Variants in ETFDH observed in about 807,000 individuals in gnomAD.
ETFDH encodes the protein electron transfer flavoprotein dehydrogenase, also known as electron transfer flavoprotein-ubiquinone oxidoreductase, mitochondrial.
Under a neutral mutation model 73.2 loss-of-function variants are expected in ETFDH, and 61 were observed. The ratio of observed to expected loss-of-function variants is 0.83; its 90% CI spans 0.68 to 1.03. The LOEUF (loss-of-function observed/expected upper bound fraction) is 1.03, where lower values mean the gene tolerates loss of function less well. ETFDH is among the 50% of genes least tolerant of loss of function. ETFDH has a pLI of 0.00. For synonymous variants in ETFDH, 243 were observed against 253.3 expected, an observed-to-expected ratio of 0.96 and a Z score of 0.39; for missense variants, 685 against 745.0, an observed-to-expected ratio of 0.92 and a Z score of 0.94.
At chr4:158,686,156 G>A (rs1279765395) in intron 5 of ETFDH, among the ~76,000 whole-genome samples, 2 of 152,128 alleles carry the variant, frequency 1.3e-5, no homozygotes, top group Non-Finnish European at 2.9e-5. Context: ...GGAGGGGAAG[G>A]TCAGAGAGAC....
At chr4:158,705,517 T>C (rs1774585962) in intron 10 of ETFDH, among the ~76,000 whole-genome samples, 2 of 152,236 alleles carry the variant, frequency 1.3e-5, no homozygotes, top group Non-Finnish European at 2.9e-5. Flanking sequence ...TGGGGGGACA[T>C]ATTTCAACCC....
At position 158,690,377 on chromosome 4, in the gene ETFDH, A is replaced by T. The variant is rs758859840; in HGVS notation, c.636A>T (p.Lys212Asn). Reference sequence around the variant, plus strand: ...TTTTTCATGATGATGGTAGTGTAAAAGGAATTGCCACTAACGATGTAGGGA... The same window carrying T: ...TTTTTCATGATGATGGTAGTGTAAATGGAATTGCCACTAACGATGTAGGGA... ...EVLFHDDGSV[K>N]GIATNDVGIQ... The change falls in exon 6 of 13, where the codon AAA becomes AAT. Residue 212 changes from lysine to asparagine, a missense_variant. Physicochemically the swap from Lys to Asn is moderately conservative, Grantham distance 94 (BLOSUM62 0). Around this residue, in one of 3 missense-constraint regions of ETFDH, gnomAD observed 405 missense variants for 399.3 expected, o/e 1.01. Coordinates refer to ENST00000511912, the MANE Select transcript of ETFDH (RefSeq NM_004453.4). 35 of 1,602,808 alleles carry T rather than the reference A, an allele frequency of 2.2e-5. No individual in the cohort carries two copies. In the Admixed American group the frequency reaches 5.8e-4, roughly 27 times the overall value.
At chr4:158,676,058 G>A (rs1316310104) in intron 1 of ETFDH, among the ~76,000 whole-genome samples, 2 of 152,106 alleles carry the variant, frequency 1.3e-5, no homozygotes, top group East Asian at 1.9e-4. Flanking sequence ...ATCAAAACAG[G>A]AGAATTAGAA....
At chr4:158,705,106 A>T (rs1774572227) in intron 10 of ETFDH, among the ~76,000 whole-genome samples, 1 of 152,166 alleles carries the variant, frequency 6.6e-6, no homozygotes, top group South Asian at 2.1e-4. Flanking sequence ...TGACTGGAAA[A>T]AGTAGTCATG....
At chr4:158,690,879 AAAAT>A (rs577737808) in intron 6 of ETFDH, among the ~76,000 whole-genome samples, 25 of 151,962 alleles carry the variant, frequency 1.6e-4, no homozygotes, top group African/African-American at 2.2e-4. Flanking sequence ...ACCTGGTCTC[AAAAT>A]AAATAAATAA....
chr4:158,679,757 G>A (rs923417859), intron 1 of ETFDH: 6 of 152,012 alleles, frequency 3.9e-5, no homozygotes, highest in African/African-American at 9.7e-5. Flanking sequence ...ACTCAAAAAT[G>A]TATACATTTT....
Position 158,685,228 on chromosome 4 carries a change from AGTTTT to A in ETFDH, c.606+20_606+24del, listed in dbSNP as rs745580994. ...GTTATGCAGCTGCTGAGGTTTGTAT[AGTTTT>A]GTTTTGTTTTAATATTTATAGGAAC... On this transcript the variant is annotated intron_variant, in intron 5 of 12. Coordinates refer to ENST00000511912, the MANE Select transcript of ETFDH (RefSeq NM_004453.4). 6.7e-6 allele frequency: 10 copies of A among 1,495,128 alleles called. No individual in the cohort carries two copies. Among genetic ancestry groups the A allele is most frequent in the African/African-American group, 4.1e-5 (3 of 72,656 alleles). 92.6% of individuals were successfully genotyped at this position (1,495,128 alleles called of 1,614,324 possible). A position where few individuals can be genotyped will look rare whatever the true frequency, so the allele number is the denominator to read the frequency against.
At chr4:158,700,045 C>G (rs981479927) in intron 9 of ETFDH, among the ~76,000 whole-genome samples, 4 of 152,138 alleles carry the variant, frequency 2.6e-5, no homozygotes, top group Non-Finnish European at 5.9e-5. Context: ...CCCTCTGTCT[C>G]TAATATTCTA....
intron 5 of ETFDH, 44 bp from the exon 6 acceptor site, chr4:158,690,304 A>G (rs376207003): frequency 1.2e-5 from 13 of 1,042,360 alleles, no homozygotes; most frequent in African/African-American, 1.1e-4. Context: ...CAAGATTATT[A>G]TGAATTCTAA....
Position 158,709,447 on chromosome 4 carries a change from G to C in ETFDH, c.*920G>C. The C allele has an allele frequency of 4.9e-6, 1 of 205,846 alleles. No individual in the cohort carries two copies. Among genetic ancestry groups the C allele is most frequent in the East Asian group, 1.2e-4 (1 of 8,360 alleles). 12.8% of individuals were successfully genotyped at this position (205,846 alleles called of 1,614,324 possible). Reference sequence around the variant, plus strand: ...CTTGGGAAGCTGAGGCAGGAGAATTGCTTGAACCCGGGAGGCAGAGGATGC... The same window carrying C: ...CTTGGGAAGCTGAGGCAGGAGAATTCCTTGAACCCGGGAGGCAGAGGATGC... On this transcript the variant is annotated 3_prime_UTR_variant, in exon 13 of 13. Coordinates refer to ENST00000511912, the MANE Select transcript of ETFDH (RefSeq NM_004453.4).
At chr4:158,696,280 A>G (rs1377261057) in intron 7 of ETFDH, among the ~76,000 whole-genome samples, 1 of 152,186 alleles carries the variant, frequency 6.6e-6, no homozygotes, top group African/African-American at 2.4e-5. Context: ...CCAAGGCAAG[A>G]TGATTGCTTG....
At chr4:158,704,993 T>C (rs1774569226) in intron 10 of ETFDH, among the ~76,000 whole-genome samples, 1 of 152,012 alleles carries the variant, frequency 6.6e-6, no homozygotes, top group East Asian at 1.9e-4. Flanking sequence ...ATCATGTGTA[T>C]ATAGTACCAC....
chr4:158,672,371 C>A lies in ETFDH; in HGVS notation c.-86C>A. The A allele has an allele frequency of 7.1e-7, 1 of 1,411,956 alleles. No individual in the cohort carries two copies. 87.5% of individuals were successfully genotyped at this position (1,411,956 alleles called of 1,614,324 possible). Reference sequence around the variant, plus strand: ...TTGCTTTCCGGCAGGTGATGGCGCCCCCCGCGGCCTAGAGGTCCAGCGCCC... The same window carrying A: ...TTGCTTTCCGGCAGGTGATGGCGCCACCCGCGGCCTAGAGGTCCAGCGCCC... On this transcript the variant is annotated 5_prime_UTR_variant, in exon 1 of 13. Transcript: ENST00000511912.
intron 1 of ETFDH, among the ~76,000 whole-genome samples, chr4:158,679,132 A>C (rs1773781942): frequency 6.6e-6 from 1 of 152,096 alleles, no homozygotes; most frequent in African/African-American, 2.4e-5. Context: ...TATACCATAT[A>C]CCTATGTGTA....
intron 6 of ETFDH, among the ~76,000 whole-genome samples, chr4:158,693,455 G>C (rs545324048): frequency 6.6e-6 from 1 of 152,126 alleles, no homozygotes; most frequent in Non-Finnish European, 1.5e-5. Flanking sequence ...GTGGCTCCAC[G>C]GCCTGTCCCT....
At chr4:158,682,083 G>A in intron 2 of ETFDH, 112 bp from the exon 3 acceptor site, 3 of 1,437,302 alleles carry the variant, frequency 2.1e-6, no homozygotes, top group Non-Finnish European at 2.9e-6. Context: ...CAAAACACAG[G>A]GAGAATTTCC....
At chr4:158,697,748 C>T in intron 8 of ETFDH, 49 bp downstream of exon 8, 1 of 1,504,826 alleles carries the variant, frequency 6.6e-7, no homozygotes, top group Non-Finnish European at 9.3e-7. Context: ...AGTTATATTA[C>T]CATCAGTGTT....
In ETFDH at chr4:158,708,616, T is replaced by C; in HGVS notation, c.*89T>C. 1 of 1,064,758 alleles carries C rather than the reference T, an allele frequency of 9.4e-7. No individual in the cohort carries two copies. Among genetic ancestry groups the C allele is most frequent in the Non-Finnish European group, 1.5e-6 (1 of 688,166 alleles). 66.0% of individuals were successfully genotyped at this position (1,064,758 alleles called of 1,614,324 possible). On this transcript the variant is annotated 3_prime_UTR_variant, in exon 13 of 13. Coordinates refer to ENST00000511912, the MANE Select transcript of ETFDH (RefSeq NM_004453.4). Reference sequence around the variant, plus strand: ...GATTTCAGAATGTCTTTCTGCATATTACTGAACAGAATAGTCACAAAATGA... The same window carrying C: ...GATTTCAGAATGTCTTTCTGCATATCACTGAACAGAATAGTCACAAAATGA...
chr4:158,685,010 T>G (rs1773964686), intron 4 of ETFDH, 91 bp from the exon 5 acceptor site: 2 of 793,520 alleles, frequency 2.5e-6, no homozygotes, highest in East Asian at 5.3e-5. Flanking sequence ...TATGTAGAAA[T>G]ACATATTGAT....
Sources: allele counts gnomAD v4.1 joint callset (sites outside exome capture counted in the v4.1 genomes callset), GRCh38; gene constraint gnomAD v4.1.1; regional missense constraint gnomAD v4.1.1; transcripts MANE v1.5; gene names NCBI Gene and HGNC (gene_info 2026-07-23, HGNC 2026-07-21).